MYO19: variants seen among roughly 807,000 people sequenced by gnomAD.
The protein encoded by MYO19 is myosin XIX, also known as unconventional myosin-XIX.
In MYO19, 132 loss-of-function variants were observed where a neutral mutation model predicts 129.2. The observed-to-expected ratio is 1.02, with a 90% CI of 0.89 to 1.18. The LOEUF (loss-of-function observed/expected upper bound fraction) is 1.18, where lower values mean the gene tolerates loss of function less well. Among genes scored for constraint, MYO19 ranks in the 50% most tolerant of loss-of-function variants. The pLI is 0.00. For missense variants in MYO19, 1,210 were observed against 1,216.7 expected (o/e 0.99, Z 0.08); for synonymous variants, 531 against 477.2 (o/e 1.11, Z -1.47).
chr17:36,530,415 G>A (rs2073759222), intron 3 of MYO19, among the ~76,000 whole-genome samples: 1 of 149,936 alleles, frequency 6.7e-6, no homozygotes, highest in African/African-American at 2.5e-5. Flanking sequence ...TCTGGAATCT[G>A]CCAAAAGGGG....
Position 36,510,740 on chromosome 17 carries a change from G to A in MYO19, c.1157+6C>T. The A allele has an allele frequency of 1.9e-6, 3 of 1,592,648 alleles. No individual in the cohort carries two copies. Among genetic ancestry groups the A allele is most frequent in the African/African-American group, 1.3e-5 (1 of 74,622 alleles). On this transcript the variant is annotated splice_donor_region_variant and intron_variant, in intron 13 of 25. Transcript: ENST00000614623. ...TCCCCAACAAGGGGCCAGAGTAACT[G>A]CTCACCGCGCATAGATCAGTTTGGC... is the stretch of plus-strand genomic sequence containing the variant.
In MYO19 at chr17:36,515,181, C is replaced by T; in HGVS notation, c.549G>A (p.Gly183=). The T allele has an allele frequency of 6.2e-7, 1 of 1,612,480 alleles. No individual in the cohort carries two copies. The highest frequency in any genetic ancestry group is 8.5e-7 in the Non-Finnish European group (1 of 1,179,240). ...LNSNPVMEAF[G]NACTLRNNNS... Reference sequence around the variant, plus strand: ...TGTTATTCCTCAGTGTACACGCATTCCCTACAGATCACACCTATGTTTATT... The same window carrying T: ...TGTTATTCCTCAGTGTACACGCATTTCCTACAGATCACACCTATGTTTATT... The change falls in exon 8 of 26, where the codon GGG becomes GGA. Residue 183 remains glycine (G), a splice_region_variant and synonymous_variant. Coordinates refer to ENST00000614623, the MANE Select transcript of MYO19 (RefSeq NM_001163735.2).
chr17:36,522,931 G>A (rs1354038726), intron 6 of MYO19, among the ~76,000 whole-genome samples: 2 of 151,798 alleles, frequency 1.3e-5, no homozygotes, highest in Admixed American at 6.6e-5. Context: ...GTGTGAACCC[G>A]GGAGGCAGAA....
intron 6 of MYO19, among the ~76,000 whole-genome samples, chr17:36,523,027 A>AC (rs1317642331): frequency 1.5e-4 from 22 of 151,034 alleles, no homozygotes; most frequent in African/African-American, 5.1e-4. Context: ...CAAAAAACAA[A>AC]AAAAAAAAAC....
chr17:36,518,489 GAAAAAAAAAAAAAAAAAAAAAAAA>G (rs1165317347), intron 6 of MYO19, among the ~76,000 whole-genome samples: 333 of 24,076 alleles, frequency 0.014, 11 homozygotes, highest in East Asian at 0.1. Flanking sequence ...GATCTCAGAG[GAAAAAAAAAAAAAAAAAAAAAAAA>G]AAAAAAAAAA....
At chr17:36,542,681 A>G (rs2074203201) in intron 1 of MYO19, among the ~76,000 whole-genome samples, 1 of 150,118 alleles carries the variant, frequency 6.7e-6, no homozygotes, top group African/African-American at 2.4e-5. Context: ...CCTGGGCGAC[A>G]GAGTGAGACT....
At chr17:36,512,538 A>G (rs1219536195) in intron 11 of MYO19, 1 of 1,086,688 alleles carries the variant, frequency 9.2e-7, no homozygotes, top group Non-Finnish European at 1.2e-6. Context: ...CATGCCCACC[A>G]GGCAGAAGGG....
chr17:36,495,794 TTAAA>T lies in MYO19; in HGVS notation c.*453_*456del, dbSNP rs2070916392. On this transcript the variant is annotated 3_prime_UTR_variant, in exon 26 of 26. Coordinates refer to ENST00000614623, the MANE Select transcript of MYO19 (RefSeq NM_001163735.2). ...CATAATTTAATTGTTTGAAATTACA[TTAAA>T]TAAATCAACTAATTAAATACTAAAG... 4.8e-6 allele frequency: 6 copies of T among 1,240,344 alleles called. No homozygotes were observed. The highest frequency in any genetic ancestry group is 2.0e-6 in the Non-Finnish European group (2 of 992,564). The allele number at this position is 1,240,344 out of a possible 1,614,324, so 76.8% of individuals were successfully genotyped here. A position where few individuals can be genotyped will look rare whatever the true frequency, so the allele number is the denominator to read the frequency against.
At position 36,528,028 on chromosome 17, in the gene MYO19, T is replaced by G. The variant is rs200570855; in HGVS notation, c.151+36A>C. Reference sequence around the variant, plus strand: ...TACTCTCATTACACCTCCAACCTCCTGGAGATGATACTCCTGAGGAATGGG... The same window carrying G: ...TACTCTCATTACACCTCCAACCTCCGGGAGATGATACTCCTGAGGAATGGG... On this transcript the variant is annotated intron_variant, in intron 4 of 25. Coordinates refer to ENST00000614623, the MANE Select transcript of MYO19 (RefSeq NM_001163735.2). 2,394 of 1,598,018 alleles carry G rather than the reference T, an allele frequency of 1.5e-3. 10 individuals are homozygous for G. The highest frequency in any genetic ancestry group is 1.0e-3 in the Non-Finnish European group (1,190 of 1,167,032).
intron 23 of MYO19, chr17:36,499,409 T>G: frequency 3.1e-6 from 1 of 321,388 alleles, no homozygotes; most frequent in Non-Finnish European, 6.2e-6. Context: ...GGAGAAGGAC[T>G]GGCTGAGGGC....
At chr17:36,537,587 T>C (rs767513706), upstream of MYO19, 4 of 1,614,076 alleles carry the variant, frequency 2.5e-6, no homozygotes, top group Admixed American at 1.7e-5. Flanking sequence ...CTGAGCTCTA[T>C]GGGACAGGAG....
At position 36,503,952 on chromosome 17, in the gene MYO19, G is replaced by T; in HGVS notation, c.1974C>A (p.Ile658=). 6.3e-7 allele frequency: 1 copy of T among 1,590,178 alleles called. No individual in the cohort carries two copies. Among genetic ancestry groups the T allele is most frequent in the Non-Finnish European group, 8.6e-7 (1 of 1,169,466 alleles). The change falls in exon 20 of 26, where the codon ATC becomes ATA. Residue 658 remains isoleucine, a splice_region_variant and synonymous_variant. Coordinates refer to ENST00000614623, the MANE Select transcript of MYO19 (RefSeq NM_001163735.2). ...TIHISAAGFP[I]RVSHRNFVER... is the part of the protein sequence containing the mutation. ...GTGCCGTGATCGAGCCCACTCACCG[G>T]ATGGGGAAGCCAGCAGCACTGATAT...
chr17:36,497,150 C>T (rs1368016519), intron 25 of MYO19, among the ~76,000 whole-genome samples: 2 of 150,200 alleles, frequency 1.3e-5, no homozygotes, highest in East Asian at 2.0e-4. Flanking sequence ...GCCAATATGG[C>T]GAAACCCCGT....
At position 36,527,501 on chromosome 17, in the gene MYO19, T is replaced by G. The variant is rs368613065; in HGVS notation, c.300+50A>C. 9.0e-4 allele frequency: 1,428 copies of G among 1,586,246 alleles called. 3 individuals are homozygous for G. The highest frequency in any genetic ancestry group is 1.2e-3 in the Non-Finnish European group (1,360 of 1,166,198). On this transcript the variant is annotated intron_variant, in intron 5 of 25. Coordinates refer to ENST00000614623, the MANE Select transcript of MYO19 (RefSeq NM_001163735.2). ...GGACAGGGGTAACTGCAAAGAGGTTTAGCGGGAGGTAGAGGAGCCCTGAGG... is the reference window on the plus strand; with the variant it reads ...GGACAGGGGTAACTGCAAAGAGGTTGAGCGGGAGGTAGAGGAGCCCTGAGG...
chr17:36,501,497 A>AT (rs748994654), intron 21 of MYO19: 4 of 367,752 alleles, frequency 1.1e-5, no homozygotes, highest in Non-Finnish European at 1.5e-5. Context: ...CTCTACTGCC[A>AT]TGAGTCCCTT....
upstream of MYO19, among the ~76,000 whole-genome samples, chr17:36,539,889 ATTT>A (rs142199109): frequency 5.6e-5 from 8 of 143,604 alleles, no homozygotes; most frequent in Non-Finnish European, 1.1e-4. Context: ...TTCCCCACAG[ATTT>A]TTTTTTTTTT....
chr17:36,530,488 GCT>G (rs2073767402), intron 3 of MYO19, among the ~76,000 whole-genome samples: 1 of 125,424 alleles, frequency 8.0e-6, no homozygotes, highest in African/African-American at 3.1e-5. Context: ...ACGGAGTTTC[GCT>G]CTGTCGCCCA....
chr17:36,537,412 A>G (rs2074157159), upstream of MYO19: 16 of 1,614,044 alleles, frequency 9.9e-6, 1 homozygote, highest in South Asian at 1.2e-4. Flanking sequence ...AGGACCTGCT[A>G]TGCCAGACTG....
At chr17:36,509,183 A>T (rs2072140871) in intron 13 of MYO19, 48 bp from the exon 14 acceptor site, 1 of 1,573,588 alleles carries the variant, frequency 6.4e-7, no homozygotes, top group Non-Finnish European at 8.7e-7. Context: ...TGGCTGAGTC[A>T]AAGGGGTGGT....
Sources: gnomAD v4.1 joint callset for allele counts (sites outside exome capture counted in the v4.1 genomes callset) on GRCh38, gnomAD v4.1.1 for gene constraint, MANE v1.5 for transcripts, NCBI Gene and HGNC (gene_info 2026-07-23, HGNC 2026-07-21) for gene names.